The following CDKL1 variants were observed in gnomAD, a reference collection of about 807,000 sequenced individuals.
CDKL1 encodes cyclin dependent kinase like 1.
In CDKL1, 41 loss-of-function variants were observed where a neutral mutation model predicts 42.0. The ratio of observed to expected loss-of-function variants is 0.98; its 90% CI spans 0.76 to 1.27. The LOEUF (loss-of-function observed/expected upper bound fraction) is 1.27. CDKL1 is among the 50% of genes most tolerant of loss of function. The pLI, the probability that CDKL1 is intolerant of heterozygous loss-of-function variation, is 0.00. For missense variants in CDKL1, 394 were observed against 428.4 expected, an observed-to-expected ratio of 0.92 and a Z score of 0.71; for synonymous variants, 153 against 158.6, an observed-to-expected ratio of 0.96 and a Z score of 0.26.
chr14:50,349,553 A>C (rs1566584712), intron 3 of CDKL1, among the ~76,000 whole-genome samples: 1 of 152,190 alleles, frequency 6.6e-6, no homozygotes, highest in Non-Finnish European at 1.5e-5. Context: ...ACCCATCCTG[A>C]CAGGACAGTG....
At chr14:50,333,111 C>G (rs1488398589) in intron 8 of CDKL1, 1 of 154,220 alleles carries the variant, frequency 6.5e-6, no homozygotes, top group East Asian at 1.9e-4. Flanking sequence ...AAGGAATTGA[C>G]TCAGTTTTTG....
intron 2 of CDKL1, among the ~76,000 whole-genome samples, chr14:50,380,802 C>CTTTGTTTTTTTTTTGT (rs368170212): frequency 2.2e-5 from 3 of 134,604 alleles, no homozygotes; most frequent in East Asian, 2.4e-4. Context: ...CTGTGACTTC[C>CTTTGTTTTTTTTTTGT]TTTTTTTTTT....
intron 2 of CDKL1, among the ~76,000 whole-genome samples, chr14:50,370,984 CAT>C (rs2034575560): frequency 6.6e-6 from 1 of 152,160 alleles, no homozygotes; most frequent in South Asian, 2.1e-4. Context: ...TCAGATTCCA[CAT>C]ATAAGTGAGA....
intron 2 of CDKL1, among the ~76,000 whole-genome samples, 177 bp downstream of exon 2, chr14:50,395,524 C>T (rs867891882): frequency 1.3e-5 from 2 of 152,188 alleles, no homozygotes; most frequent in Admixed American, 6.5e-5. Flanking sequence ...AAGTGGATCC[C>T]GGAGCAGTGG....
chr14:50,346,959 G>A (rs972398591), intron 3 of CDKL1, among the ~76,000 whole-genome samples: 1 of 151,998 alleles, frequency 6.6e-6, no homozygotes, highest in African/African-American at 2.4e-5. Flanking sequence ...TGCAAATTAA[G>A]TATTAATATA....
At chr14:50,350,099 G>A (rs557625714) in intron 3 of CDKL1, among the ~76,000 whole-genome samples, 1 of 152,144 alleles carries the variant, frequency 6.6e-6, no homozygotes, top group East Asian at 1.9e-4. Context: ...TTGCAGAAAT[G>A]GGGGTCTTGC....
At chr14:50,375,312 TAAATA>T (rs1326308983) in intron 2 of CDKL1, among the ~76,000 whole-genome samples, 1 of 152,072 alleles carries the variant, frequency 6.6e-6, no homozygotes, top group East Asian at 1.9e-4. Context: ...AATAAACAAA[TAAATA>T]AAAGATAAGT....
chr14:50,382,549 C>G lies in CDKL1; in HGVS notation c.168+13152G>C, dbSNP rs1241772396. Among the ~76,000 whole-genome samples, 4 of 151,438 alleles carry G rather than the reference C, an allele frequency of 2.6e-5. No homozygotes were observed. The East Asian group carries it at 7.8e-4, about 29-fold the overall frequency. ...CATTCTGTATAAAAATTACTCCTTC[C>G]TTCCTTCCTTCCCTCCCTCCCTCCC... On this transcript the variant is annotated intron_variant, in intron 2 of 9. Transcript: ENST00000395834.
At chr14:50,384,384 A>T (rs1248880524) in intron 2 of CDKL1, among the ~76,000 whole-genome samples, 1 of 152,238 alleles carries the variant, frequency 6.6e-6, no homozygotes, top group African/African-American at 2.4e-5. Flanking sequence ...AGGTCAAGAG[A>T]TCTCATTCTC....
At chr14:50,343,239 T>G (rs2033616960) in intron 4 of CDKL1, among the ~76,000 whole-genome samples, 1 of 146,088 alleles carries the variant, frequency 6.8e-6, no homozygotes. Flanking sequence ...GTTTTCCTCT[T>G]AGGAGGAGAA....
chr14:50,337,113 G>A (rs1008346294), intron 7 of CDKL1, among the ~76,000 whole-genome samples: 10 of 151,888 alleles, frequency 6.6e-5, no homozygotes, highest in African/African-American at 1.5e-4. Flanking sequence ...AGGTCAAGCC[G>A]TCTTCCCACC....
At chr14:50,388,730 C>T (rs1026289237) in intron 2 of CDKL1, among the ~76,000 whole-genome samples, 3 of 152,174 alleles carry the variant, frequency 2.0e-5, no homozygotes, top group Non-Finnish European at 4.4e-5. Context: ...TAAATCATAG[C>T]GATAAGGCAC....
At position 50,329,093 on chromosome 14, in the gene CDKL1, T is replaced by C. The variant is rs1271651554; in HGVS notation, c.*981A>G. ...CACATACATACACATACAAACATAG[T>C]GCAAAAAGATGTTTCAGGGAAAACA... On this transcript the variant is annotated 3_prime_UTR_variant, in exon 10 of 10. Transcript: ENST00000395834. The C allele has an allele frequency of 2.0e-5, 3 of 148,664 alleles. No individual in the cohort carries two copies. Among genetic ancestry groups the C allele is most frequent in the Admixed American group, 1.3e-4 (2 of 14,934 alleles). The allele number at this position is 148,664 out of a possible 1,614,324, so 9.2% of individuals were successfully genotyped here. A position where few individuals can be genotyped will look rare whatever the true frequency, so the allele number is the denominator to read the frequency against.
chr14:50,360,786 T>TTGTGTGTGTGTGTG lies in CDKL1; in HGVS notation c.169-1651_169-1638dup, dbSNP rs58307197. ...GGTGGAATGATAGACGTGTGTGTGT[T>TTGTGTGTGTGTGTG]TGTGTGTGTGTGTGTGTGTGTGTGT... On this transcript the variant is annotated intron_variant, in intron 2 of 9. Transcript: ENST00000395834. Among the ~76,000 whole-genome samples, 165 of 144,690 alleles carry TTGTGTGTGTGTGTG rather than the reference T, an allele frequency of 1.1e-3. 1 individual carries two copies. Among genetic ancestry groups the TTGTGTGTGTGTGTG allele is most frequent in the African/African-American group, 3.8e-3 (146 of 38,786 alleles). 94.9% of individuals were successfully genotyped at this position (144,690 alleles called of 152,430 possible). A position where few individuals can be genotyped will look rare whatever the true frequency, so the allele number is the denominator to read the frequency against.
chr14:50,389,333 A>G (rs969439605), intron 2 of CDKL1, among the ~76,000 whole-genome samples: 1 of 151,946 alleles, frequency 6.6e-6, no homozygotes, highest in African/African-American at 2.4e-5. Flanking sequence ...CCCACACCCC[A>G]TGCACCTTTT....
At chr14:50,388,477 T>C (rs1396422163) in intron 2 of CDKL1, among the ~76,000 whole-genome samples, 1 of 152,232 alleles carries the variant, frequency 6.6e-6, no homozygotes, top group Non-Finnish European at 1.5e-5. Flanking sequence ...AGTGAGCCTC[T>C]TGGGGGACTG....
chr14:50,389,085 T>G (rs1233871672), intron 2 of CDKL1, among the ~76,000 whole-genome samples: 3 of 108,134 alleles, frequency 2.8e-5, no homozygotes, highest in African/African-American at 4.0e-5. Context: ...GGCAGCAGAG[T>G]GAGACTGTCT....
chr14:50,396,399 G>A, intron 1 of CDKL1, 70 bp from the exon 2 acceptor site: 3 of 985,720 alleles, frequency 3.0e-6, no homozygotes, highest in Non-Finnish European at 3.6e-6. Context: ...GCGATCAGGA[G>A]TAACAGCCTA....
intron 2 of CDKL1, among the ~76,000 whole-genome samples, chr14:50,387,908 T>C (rs916236987): frequency 6.6e-6 from 1 of 152,162 alleles, no homozygotes. Context: ...GTTTGTTTTG[T>C]TTTTTTGAGA....
Sources: allele counts gnomAD v4.1 joint callset (sites outside exome capture counted in the v4.1 genomes callset), GRCh38; gene constraint gnomAD v4.1.1; transcripts MANE v1.5; gene names NCBI Gene and HGNC (gene_info 2026-07-23, HGNC 2026-07-21).